Variants in TNIP3 observed in about 807,000 individuals in gnomAD.
TNIP3 encodes TNFAIP3 interacting protein 3, also known as TNFAIP3-interacting protein 3.
TNIP3 carries 34 observed loss-of-function variants against 54.1 expected under a neutral mutation model. That is an observed-to-expected ratio of 0.63 (90% confidence interval 0.48 to 0.84). TNIP3 has a LOEUF of 0.84. TNIP3 is among the 40% of genes least tolerant of loss of function. The pLI is 0.00. For missense variants in TNIP3, 366 were observed against 387.6 expected, an observed-to-expected ratio of 0.94 and a Z score of 0.47; for synonymous variants, 134 against 136.8, an observed-to-expected ratio of 0.98 and a Z score of 0.14.
intron 5 of TNIP3, among the ~76,000 whole-genome samples, chr4:121,153,260 C>A (rs1729872966): frequency 6.6e-6 from 1 of 151,952 alleles, no homozygotes; most frequent in Non-Finnish European, 1.5e-5. Flanking sequence ...CTGTGAACTA[C>A]AAATATGGAT....
intron 2 of TNIP3, among the ~76,000 whole-genome samples, chr4:121,193,395 T>C (rs899698032): frequency 6.6e-6 from 1 of 152,136 alleles, no homozygotes; most frequent in East Asian, 1.9e-4. Flanking sequence ...ATAATAAGAA[T>C]ACATTAGAAT....
At chr4:121,197,593 A>G (rs1177233329) in intron 2 of TNIP3, among the ~76,000 whole-genome samples, 2 of 152,222 alleles carry the variant, frequency 1.3e-5, no homozygotes, top group East Asian at 3.9e-4. Flanking sequence ...AAGTATTTAA[A>G]TTTTTTAGAT....
At chr4:121,207,928 G>A (rs951204921) in intron 2 of TNIP3, among the ~76,000 whole-genome samples, 5 of 152,196 alleles carry the variant, frequency 3.3e-5, no homozygotes, top group Non-Finnish European at 5.9e-5. Context: ...GAGATAATAT[G>A]AATGATGGGG....
intron 1 of TNIP3, among the ~76,000 whole-genome samples, chr4:121,224,079 G>A (rs934749070): frequency 6.6e-6 from 1 of 152,236 alleles, no homozygotes; most frequent in East Asian, 1.9e-4. Flanking sequence ...ATTTTAATTA[G>A]TGCTCTCTGC....
intron 2 of TNIP3, among the ~76,000 whole-genome samples, chr4:121,192,450 T>C (rs1312489224): frequency 6.6e-6 from 1 of 152,182 alleles, no homozygotes; most frequent in Non-Finnish European, 1.5e-5. Context: ...ATGAGTTTTG[T>C]TTGAGATGCT....
In TNIP3 at chr4:121,132,518, A is replaced by G. The variant is rs1728530739; in HGVS notation, c.*113T>C. 5.1e-6 allele frequency: 5 copies of G among 972,626 alleles called. No homozygotes were observed. Among genetic ancestry groups the G allele is most frequent in the Non-Finnish European group, 8.0e-6 (5 of 623,912 alleles). The allele number at this position is 972,626 out of a possible 1,614,324, so 60.2% of individuals were successfully genotyped here. A position where few individuals can be genotyped will look rare whatever the true frequency, so the allele number is the denominator to read the frequency against. On this transcript the variant is annotated 3_prime_UTR_variant, in exon 11 of 11. Transcript: ENST00000057513. Reference sequence around the variant, plus strand: ...AGGAAAACATGACCAGGCACAAATAACAGGGTAGATGATGTGCCTTTGTGG... The same window carrying G: ...AGGAAAACATGACCAGGCACAAATAGCAGGGTAGATGATGTGCCTTTGTGG...
In TNIP3 at chr4:121,164,147, C is replaced by A. The variant is rs917770653; in HGVS notation, c.-22G>T. The A allele has an allele frequency of 6.2e-7, 1 of 1,613,372 alleles. No homozygotes were observed. Among genetic ancestry groups the A allele is most frequent in the Non-Finnish European group, 8.5e-7 (1 of 1,179,656 alleles). ...CCATGGAAGCTGTTTTTCCTGGAGT[C>A]TTGGAAAGCAGAAAGAAAAACAGGG... On this transcript the variant is annotated 5_prime_UTR_variant, in exon 1 of 11. Transcript: ENST00000057513.
At chr4:121,183,031 T>A (rs1323663737) in intron 2 of TNIP3, among the ~76,000 whole-genome samples, 1 of 152,218 alleles carries the variant, frequency 6.6e-6, no homozygotes, top group Non-Finnish European at 1.5e-5. Context: ...TTAGGAATTT[T>A]CAGTCTGAGA....
Position 121,154,313 on chromosome 4 carries a change from C to T in TNIP3, c.492+238G>A, listed in dbSNP as rs1334507837. On this transcript the variant is annotated intron_variant, in intron 5 of 10. Transcript: ENST00000057513. ...TGTTCTTACTGTCTCTGTAATTCCT[C>T]CTCATTTCTCTTTCTCATGATGAAT... 1.1e-5 allele frequency: 5 copies of T among 467,674 alleles called. No individual in the cohort carries two copies. The Admixed American group carries it at 2.1e-4, about 19-fold the overall frequency. 29.0% of individuals were successfully genotyped at this position (467,674 alleles called of 1,614,324 possible).
chr4:121,226,500 A>T (rs1316767464), intron 1 of TNIP3, among the ~76,000 whole-genome samples: 1 of 152,230 alleles, frequency 6.6e-6, no homozygotes. Flanking sequence ...AGGTCTGTGC[A>T]TGCAGTGCCA....
chr4:121,136,712 A>C (rs1010725953), intron 10 of TNIP3: 1 of 152,068 alleles, frequency 6.6e-6, no homozygotes, highest in African/African-American at 2.4e-5. Flanking sequence ...AATAAAAATT[A>C]GCTGGGCATG....
At chr4:121,225,249 C>T (rs1727207739) in intron 1 of TNIP3, among the ~76,000 whole-genome samples, 1 of 152,154 alleles carries the variant, frequency 6.6e-6, no homozygotes. Context: ...TTTTTACATA[C>T]TTAGATTAAT....
At chr4:121,206,635 C>T (rs1185818645) in intron 2 of TNIP3, among the ~76,000 whole-genome samples, 7 of 152,088 alleles carry the variant, frequency 4.6e-5, no homozygotes, top group Non-Finnish European at 1.0e-4. Flanking sequence ...TAGCCTCAGC[C>T]TTCCAGACTC....
chr4:121,155,487 C>T (rs1314663175), intron 4 of TNIP3, among the ~76,000 whole-genome samples: 2 of 152,204 alleles, frequency 1.3e-5, no homozygotes, highest in African/African-American at 4.8e-5. Context: ...ATTTAGAGCA[C>T]TCTATTGTTG....
intron 2 of TNIP3, among the ~76,000 whole-genome samples, chr4:121,197,797 G>A (rs1020843268): frequency 2.0e-5 from 3 of 152,034 alleles, no homozygotes; most frequent in African/African-American, 4.8e-5. Flanking sequence ...GAAGATTGTT[G>A]GTATTATTCT....
chr4:121,155,943 T>C (rs892242718), intron 4 of TNIP3, among the ~76,000 whole-genome samples: 1 of 152,174 alleles, frequency 6.6e-6, no homozygotes, highest in Non-Finnish European at 1.5e-5. Context: ...ACTTAGAAAA[T>C]AAGCCAATTA....
chr4:121,193,160 A>G (rs1725389279), intron 2 of TNIP3, among the ~76,000 whole-genome samples: 1 of 152,188 alleles, frequency 6.6e-6, no homozygotes, highest in African/African-American at 2.4e-5. Flanking sequence ...TTTATCAGCT[A>G]TACAAAAAGA....
chr4:121,165,503 A>G (rs1210332235), upstream of TNIP3, among the ~76,000 whole-genome samples: 2 of 152,066 alleles, frequency 1.3e-5, no homozygotes, highest in Non-Finnish European at 2.9e-5. Flanking sequence ...ATGCATTACG[A>G]TTACATATTT....
upstream of TNIP3, among the ~76,000 whole-genome samples, chr4:121,165,259 C>T (rs529952043): frequency 2.6e-4 from 40 of 151,746 alleles, no homozygotes; most frequent in African/African-American, 9.2e-4. Context: ...GAATATCTCC[C>T]CCTACTCTCC....
Sources: gnomAD v4.1 joint callset for allele counts (sites outside exome capture counted in the v4.1 genomes callset) on GRCh38, gnomAD v4.1.1 for gene constraint, MANE v1.5 for transcripts, NCBI Gene and HGNC (gene_info 2026-07-23, HGNC 2026-07-21) for gene names.